Variants in PAPPA2 observed in about 807,000 individuals in gnomAD.
PAPPA2 encodes pappalysin-2.
Under a neutral mutation model 176.4 loss-of-function variants are expected in PAPPA2, and 86 were observed. That is an observed-to-expected ratio of 0.49 (90% CI 0.41 to 0.58). PAPPA2 has a LOEUF of 0.58. Among genes scored for constraint, PAPPA2 ranks in the 20% least tolerant of loss-of-function variants. PAPPA2 has a pLI of 0.00. For missense variants in PAPPA2, 2,073 were observed against 2,256.9 expected, an observed-to-expected ratio of 0.92 and a Z score of 1.65; for synonymous variants, 809 against 852.2, an observed-to-expected ratio of 0.95 and a Z score of 0.88.
At chr1:176,724,218 C>T (rs1380754062) in intron 12 of PAPPA2, among the ~76,000 whole-genome samples, 4 of 152,280 alleles carry the variant, frequency 2.6e-5, no homozygotes, top group African/African-American at 9.6e-5. Context: ...GCTTCCTTAT[C>T]TTCTTTTGCT....
intron 17 of PAPPA2, among the ~76,000 whole-genome samples, chr1:176,781,655 G>C (rs950392101): frequency 1.4e-4 from 22 of 151,928 alleles, no homozygotes; most frequent in African/African-American, 5.3e-4. Flanking sequence ...GTTCTGTTTG[G>C]GGCTAAGTAG....
At chr1:176,564,009 A>G (rs1366073706) in intron 2 of PAPPA2, among the ~76,000 whole-genome samples, 1 of 152,146 alleles carries the variant, frequency 6.6e-6, no homozygotes, top group Non-Finnish European at 1.5e-5. Flanking sequence ...TCAGACTTGC[A>G]GCAATGACTG....
chr1:176,707,805 T>A (rs1660941580), intron 10 of PAPPA2, among the ~76,000 whole-genome samples: 1 of 152,124 alleles, frequency 6.6e-6, no homozygotes, highest in Non-Finnish European at 1.5e-5. Flanking sequence ...GGATATATAT[T>A]TTTTTCTGTT....
chr1:176,647,261 G>A (rs763630073), intron 3 of PAPPA2, among the ~76,000 whole-genome samples: 1 of 151,276 alleles, frequency 6.6e-6, no homozygotes, highest in Non-Finnish European at 1.5e-5. Flanking sequence ...TGGATTATTG[G>A]ATTTTTTTTC....
chr1:176,834,926 A>G (rs1667215472), intron 21 of PAPPA2, among the ~76,000 whole-genome samples: 1 of 152,176 alleles, frequency 6.6e-6, no homozygotes, highest in East Asian at 1.9e-4. Flanking sequence ...AGCTGAGATC[A>G]TGCCACTGCA....
intron 21 of PAPPA2, among the ~76,000 whole-genome samples, chr1:176,833,219 A>C (rs548656641): frequency 9.8e-5 from 15 of 152,326 alleles, no homozygotes; most frequent in African/African-American, 3.1e-4. Context: ...AAGATCCTTA[A>C]CGTCTTACTG....
At chr1:176,677,344 G>A (rs1659353841) in intron 4 of PAPPA2, among the ~76,000 whole-genome samples, 1 of 152,168 alleles carries the variant, frequency 6.6e-6, no homozygotes, top group Non-Finnish European at 1.5e-5. Flanking sequence ...TTTGAAGACT[G>A]AATCCAATTT....
chr1:176,476,795 T>C (rs1652148731), intron 1 of PAPPA2, among the ~76,000 whole-genome samples: 2 of 152,220 alleles, frequency 1.3e-5, no homozygotes, highest in Admixed American at 6.5e-5. Flanking sequence ...TGATTCTGTA[T>C]GTATAGGGAG....
At chr1:176,645,828 C>A (rs1355654833) in intron 3 of PAPPA2, among the ~76,000 whole-genome samples, 1 of 151,484 alleles carries the variant, frequency 6.6e-6, no homozygotes, top group Non-Finnish European at 1.5e-5. Context: ...TTTGAATTTC[C>A]CTAAGGATTT....
chr1:176,811,237 C>A (rs1360257637), intron 21 of PAPPA2, among the ~76,000 whole-genome samples: 1 of 152,210 alleles, frequency 6.6e-6, no homozygotes, highest in Non-Finnish European at 1.5e-5. Flanking sequence ...CATAAAAAAA[C>A]CAATGTTCTA....
intron 8 of PAPPA2, among the ~76,000 whole-genome samples, chr1:176,700,462 G>C (rs1202415269): frequency 6.6e-6 from 1 of 152,242 alleles, no homozygotes; most frequent in Non-Finnish European, 1.5e-5. Context: ...CTATAGGTAG[G>C]TTGGGTGCTC....
At chr1:176,479,933 A>C (rs1034327781) in intron 1 of PAPPA2, among the ~76,000 whole-genome samples, 1 of 152,232 alleles carries the variant, frequency 6.6e-6, no homozygotes, top group Non-Finnish European at 1.5e-5. Context: ...TATATTCACA[A>C]GCTTGGATTT....
At chr1:176,767,690 C>G (rs1026391804) in intron 15 of PAPPA2, among the ~76,000 whole-genome samples, 1 of 152,142 alleles carries the variant, frequency 6.6e-6, no homozygotes, top group African/African-American at 2.4e-5. Flanking sequence ...GTAGTTAGAG[C>G]CAGACTTGCA....
rs765230878 is a variant in PAPPA2, at chr1:176,595,497, G to A, written c.1893G>A (p.Glu631=). ...WNRRDGLCHV[E]CNNMLNDFDD... is the part of the protein sequence containing the mutation. ...GCAGGGATGGGCTCTGTCACGTGGA[G>A]TGTAACAACATGCTGAACGACTTTG... Residue 631 remains glutamate (E), a synonymous_variant, in exon 3 of 23, where the codon GAG becomes GAA. Transcript: ENST00000367662. 3.6e-5 allele frequency: 58 copies of A among 1,614,108 alleles called. 1 individual carries two copies. Among genetic ancestry groups the A allele is most frequent in the Non-Finnish European group, 4.9e-5 (58 of 1,180,052 alleles).
intron 21 of PAPPA2, among the ~76,000 whole-genome samples, chr1:176,837,478 C>CA (rs35134966): frequency 0.026 from 2,451 of 94,730 alleles, 47 homozygotes; most frequent in Non-Finnish European, 0.031. Context: ...TGTTAAAAGG[C>CA]AAAAAAAAAA....
intron 2 of PAPPA2, among the ~76,000 whole-genome samples, chr1:176,562,760 C>T (rs571353862): frequency 7.9e-5 from 12 of 152,322 alleles, no homozygotes; most frequent in African/African-American, 2.9e-4. Context: ...GGCATAGCCC[C>T]TGATGGTTGT....
At chr1:176,522,399 A>G (rs1202453021) in intron 1 of PAPPA2, among the ~76,000 whole-genome samples, 2 of 152,230 alleles carry the variant, frequency 1.3e-5, no homozygotes, top group East Asian at 3.9e-4. Flanking sequence ...TCTCCCTTCC[A>G]TCTTTCAGTA....
At chr1:176,766,994 G>A (rs1664000933) in intron 15 of PAPPA2, among the ~76,000 whole-genome samples, 1 of 151,746 alleles carries the variant, frequency 6.6e-6, no homozygotes, top group African/African-American at 2.4e-5. Flanking sequence ...AGTATTTAAA[G>A]GTATACACTT....
At chr1:176,682,039 C>A (rs1482349259) in intron 4 of PAPPA2, among the ~76,000 whole-genome samples, 3 of 152,160 alleles carry the variant, frequency 2.0e-5, no homozygotes, top group African/African-American at 7.2e-5. Context: ...AGAACTTTCA[C>A]AGGGGGTCTT....
Sources: gnomAD v4.1 joint callset for allele counts (sites outside exome capture counted in the v4.1 genomes callset) on GRCh38, gnomAD v4.1.1 for gene constraint, MANE v1.5 for transcripts, NCBI Gene and HGNC (gene_info 2026-07-23, HGNC 2026-07-21) for gene names.